The following TMTC2 variants were observed in gnomAD, a reference collection of about 807,000 sequenced individuals.
TMTC2 encodes the protein transmembrane O-mannosyltransferase targeting cadherins 2.
A neutral mutation model predicts 82.4 loss-of-function variants in TMTC2; 43 were observed. The observed-to-expected ratio is 0.52, with a 90% CI of 0.41 to 0.67. TMTC2 has a LOEUF of 0.67. Among genes scored for constraint, TMTC2 ranks in the 30% least tolerant of loss-of-function variants. The pLI, the probability that TMTC2 is intolerant of heterozygous loss-of-function variation, is 0.00. For synonymous variants in TMTC2, 408 were observed against 381.9 expected, an observed-to-expected ratio of 1.07 and a Z score of -0.80; for missense variants, 919 against 1,012.4, an observed-to-expected ratio of 0.91 and a Z score of 1.25.
intron 1 of TMTC2, among the ~76,000 whole-genome samples, chr12:82,779,113 AGAG>A (rs1443848921): frequency 6.6e-6 from 1 of 151,874 alleles, no homozygotes; most frequent in Non-Finnish European, 1.5e-5. Context: ...CAATAGTGGC[AGAG>A]GAGGGCATTC....
At chr12:83,002,494 C>T (rs1444514621) in intron 8 of TMTC2, among the ~76,000 whole-genome samples, 2 of 152,036 alleles carry the variant, frequency 1.3e-5, no homozygotes, top group African/African-American at 4.8e-5. Flanking sequence ...CCTGTAGGTG[C>T]GATGTTAGAT....
intron 1 of TMTC2, among the ~76,000 whole-genome samples, chr12:82,766,629 C>T (rs533008451): frequency 3.3e-5 from 5 of 152,252 alleles, no homozygotes; most frequent in South Asian, 2.1e-4. Flanking sequence ...TCAAGTCCGA[C>T]GAAAATGCCA....
intron 11 of TMTC2, among the ~76,000 whole-genome samples, chr12:83,084,637 A>G (rs1883588665): frequency 6.6e-6 from 1 of 152,224 alleles, no homozygotes; most frequent in Non-Finnish European, 1.5e-5. Flanking sequence ...AGAAGAGGAA[A>G]AAAGACTAAA....
chr12:83,102,347 CT>C (rs1884248528), intron 11 of TMTC2, among the ~76,000 whole-genome samples: 1 of 152,154 alleles, frequency 6.6e-6, no homozygotes, highest in African/African-American at 2.4e-5. Context: ...GTATAATTTG[CT>C]GCTTAATGAT....
intron 1 of TMTC2, among the ~76,000 whole-genome samples, chr12:82,727,395 C>CCA (rs1385970589): frequency 6.6e-6 from 1 of 151,904 alleles, no homozygotes; most frequent in African/African-American, 2.4e-5. Flanking sequence ...CTACCCTGAC[C>CCA]CCTGACTGGA....
intron 3 of TMTC2, among the ~76,000 whole-genome samples, chr12:82,909,146 G>A (rs535857158): frequency 7.9e-5 from 12 of 152,196 alleles, no homozygotes; most frequent in Non-Finnish European, 1.5e-4. Context: ...AAATTTTTTT[G>A]TTGCTAGTTA....
At chr12:83,023,283 T>C (rs908079851) in intron 8 of TMTC2, among the ~76,000 whole-genome samples, 5 of 152,232 alleles carry the variant, frequency 3.3e-5, no homozygotes, top group African/African-American at 4.8e-5. Flanking sequence ...TACATGTTTC[T>C]TTAGAAATTC....
chr12:82,858,643 G>C (rs1004309592), intron 2 of TMTC2, among the ~76,000 whole-genome samples: 4 of 149,614 alleles, frequency 2.7e-5, no homozygotes, highest in African/African-American at 9.8e-5. Context: ...TTTTTTAAAT[G>C]CCCTTTTTTT....
At chr12:82,739,091 T>A (rs879473868) in intron 1 of TMTC2, among the ~76,000 whole-genome samples, 1 of 148,178 alleles carries the variant, frequency 6.7e-6, no homozygotes, top group Non-Finnish European at 1.5e-5. Context: ...GAGGTTGCAG[T>A]GAGGTGAGAT....
At chr12:83,114,852 A>C (rs1426501926) in intron 11 of TMTC2, among the ~76,000 whole-genome samples, 1 of 151,660 alleles carries the variant, frequency 6.6e-6, no homozygotes, top group African/African-American at 2.4e-5. Flanking sequence ...ATATGTATAT[A>C]TCTGATATAT....
chr12:82,973,425 T>C (rs1878532536), intron 7 of TMTC2, among the ~76,000 whole-genome samples: 1 of 152,140 alleles, frequency 6.6e-6, no homozygotes, highest in Non-Finnish European at 1.5e-5. Flanking sequence ...TGAGAAATTT[T>C]AGAAGTATAC....
At chr12:82,968,800 G>A (rs1878329035) in intron 7 of TMTC2, among the ~76,000 whole-genome samples, 1 of 152,252 alleles carries the variant, frequency 6.6e-6, no homozygotes, top group Middle Eastern at 3.4e-3. Context: ...AGATAAGTGT[G>A]TCCCTGGGGG....
intron 1 of TMTC2, among the ~76,000 whole-genome samples, chr12:82,767,409 T>C (rs11115387): frequency 0.25 from 38,014 of 151,954 alleles, 5,906 homozygotes; most frequent in African/African-American, 0.44. Flanking sequence ...CATAGTGAGA[T>C]CCTGTGTTTA....
chr12:83,091,883 G>T (rs1009832425), intron 11 of TMTC2, among the ~76,000 whole-genome samples: 3 of 152,178 alleles, frequency 2.0e-5, no homozygotes, highest in Non-Finnish European at 4.4e-5. Context: ...TATTGAGATT[G>T]TGTTACAGCT....
intron 4 of TMTC2, among the ~76,000 whole-genome samples, chr12:82,942,498 CAT>C (rs1201271662): frequency 6.6e-6 from 1 of 151,888 alleles, no homozygotes; most frequent in Admixed American, 6.5e-5. Flanking sequence ...GTAGGAAAAA[CAT>C]AAGAATATAA....
At chr12:82,975,129 A>T (rs979064282) in intron 7 of TMTC2, among the ~76,000 whole-genome samples, 1 of 152,098 alleles carries the variant, frequency 6.6e-6, no homozygotes, top group African/African-American at 2.4e-5. Flanking sequence ...TGTCGGCCTA[A>T]TATCTTTTAG....
chr12:82,793,822 G>A (rs577535225), intron 1 of TMTC2, among the ~76,000 whole-genome samples: 5 of 152,046 alleles, frequency 3.3e-5, no homozygotes, highest in African/African-American at 7.2e-5. Flanking sequence ...TCACTGCAGC[G>A]TGTAAAGGCT....
At chr12:82,864,745 C>T (rs564733128) in intron 2 of TMTC2, among the ~76,000 whole-genome samples, 12 of 151,638 alleles carry the variant, frequency 7.9e-5, no homozygotes, top group African/African-American at 2.9e-4. Flanking sequence ...TTGTGATCCG[C>T]CCGCCTTGGC....
chr12:83,031,472 A>AG (rs60842820), intron 9 of TMTC2, among the ~76,000 whole-genome samples: 16,504 of 152,124 alleles, frequency 0.11, 1,453 homozygotes, highest in East Asian at 0.26. Context: ...ATTAGTAGTG[A>AG]TCATGTGTTT....
Sources: gnomAD v4.1 joint callset for allele counts (sites outside exome capture counted in the v4.1 genomes callset) on GRCh38, gnomAD v4.1.1 for gene constraint, MANE v1.5 for transcripts, NCBI Gene and HGNC (gene_info 2026-07-23, HGNC 2026-07-21) for gene names.